SYNE1: variants seen among roughly 807,000 people sequenced by gnomAD.
SYNE1 encodes the protein spectrin repeat containing nuclear envelope protein 1.
SYNE1 carries 616 observed loss-of-function variants against 1,111.0 expected under a neutral mutation model. The observed-to-expected ratio is 0.55, with a 90% CI of 0.52 to 0.59. The LOEUF (loss-of-function observed/expected upper bound fraction) is 0.59. Among genes scored for constraint, SYNE1 ranks in the 20% least tolerant of loss-of-function variants. The probability of loss-of-function intolerance (pLI) is 0.00; values close to 1 mark genes in which losing one functional copy is unlikely to be tolerated. For synonymous variants in SYNE1, 3,855 were observed against 3,825.8 expected, an observed-to-expected ratio of 1.01 and a Z score of -0.28; for missense variants, 10,006 against 10,417.0, an observed-to-expected ratio of 0.96 and a Z score of 1.72.
intron 27 of SYNE1, 83 bp from the exon 28 acceptor site, chr6:152,449,724 T>C (rs2098631489): frequency 9.1e-7 from 1 of 1,097,624 alleles, no homozygotes; most frequent in Non-Finnish European, 1.4e-6. Context: ...AATTCACTCA[T>C]GGAAATTTAA....
At position 152,148,620 on chromosome 6, in the gene SYNE1, C is replaced by T. The variant is rs1374507128; in HGVS notation, c.24643-242G>A. On this transcript the variant is annotated intron_variant, in intron 136 of 145. Transcript: ENST00000367255. This position sits in a 1 kb window ranked among gnomAD's most constrained non-coding sequence, Gnocchi z 4.1. ...TAAGGAACTTAATTCCTCTGGGCCT[C>T]AGTTTTCTCATCTATAAAATGGGAA... Among the ~76,000 whole-genome samples the T allele has an allele frequency of 6.6e-6, 1 of 151,142 alleles. No individual in the cohort carries two copies. Among genetic ancestry groups the T allele is most frequent in the African/African-American group, 2.4e-5 (1 of 41,124 alleles).
intron 42 of SYNE1, 55 bp downstream of exon 42, chr6:152,413,297 A>G (rs1025448216): frequency 1.3e-6 from 2 of 1,579,134 alleles, no homozygotes; most frequent in Non-Finnish European, 1.7e-6. Context: ...CAATGTCCCA[A>G]TGTCACATAA....
At chr6:152,299,995 T>C (rs1428957053) in intron 93 of SYNE1, among the ~76,000 whole-genome samples, 1 of 152,220 alleles carries the variant, frequency 6.6e-6, no homozygotes, top group African/African-American at 2.4e-5. Context: ...TAAAAGCTTT[T>C]TGACATTTAA....
intron 124 of SYNE1, among the ~76,000 whole-genome samples, chr6:152,209,478 G>A (rs916405180): frequency 6.6e-5 from 10 of 152,072 alleles, no homozygotes; most frequent in Admixed American, 6.6e-5. Context: ...GGCCGGGCCC[G>A]GTGACTCACG....
At position 152,399,697 on chromosome 6, in the gene SYNE1, T is replaced by A. The variant is rs147947903; in HGVS notation, c.7156A>T (p.Ile2386Leu). The change falls in exon 48 of 146, where the codon ATA (isoleucine) becomes TTA (leucine). Residue 2386 changes from isoleucine to leucine, a missense_variant. Ile to Leu is a conservative substitution (Grantham distance 5, BLOSUM62 2). Coordinates refer to ENST00000367255, the MANE Select transcript of SYNE1 (RefSeq NM_182961.4). The part of the protein sequence containing the change: ...ESLGRAMTGL[I>L]KKHEAVSQLC... ...TGGCTCACGGCTTCATGTTTCTTTA[T>A]CAGACCAGTCATTGCACGGCCCAGG... The A allele has an allele frequency of 6.2e-7, 1 of 1,614,172 alleles. No homozygotes were observed. The highest frequency in any genetic ancestry group is 8.5e-7 in the Non-Finnish European group (1 of 1,180,020).
intron 9 of SYNE1, 72 bp from the exon 10 acceptor site, chr6:152,502,814 T>A (rs1200306464): frequency 8.6e-7 from 1 of 1,163,362 alleles, no homozygotes; most frequent in Admixed American, 1.8e-5. Context: ...AAGTTTGGTA[T>A]CTAGCTATCA....
At chr6:152,214,768 A>G (rs1487312017) in intron 122 of SYNE1, 138 bp downstream of exon 122, 5 of 1,186,388 alleles carry the variant, frequency 4.2e-6, no homozygotes, top group Non-Finnish European at 6.1e-6. Context: ...TTGACTGCGG[A>G]CTTCCCAGTC....
chr6:152,191,699 CT>C (rs746842832), intron 127 of SYNE1, among the ~76,000 whole-genome samples: 3 of 151,944 alleles, frequency 2.0e-5, no homozygotes, highest in Non-Finnish European at 2.9e-5. Flanking sequence ...AAAAAATAAA[CT>C]TTTCATTTTG....
At chr6:152,377,635 AAAAAAATATATATATATATAT>A (rs2097314033) in intron 56 of SYNE1, among the ~76,000 whole-genome samples, 2 of 79,014 alleles carry the variant, frequency 2.5e-5, no homozygotes, top group Non-Finnish European at 4.6e-5. Flanking sequence ...AAAAAAAAAA[AAAAAAATATATATATATATAT>A]ATATATATAT....
chr6:152,533,397 T>G (rs919671053), intron 4 of SYNE1, among the ~76,000 whole-genome samples: 6 of 152,136 alleles, frequency 3.9e-5, no homozygotes, highest in African/African-American at 1.4e-4. Flanking sequence ...AATTTTCAGA[T>G]GTAATAAAGT....
chr6:152,572,826 T>C (rs1339084124), intron 3 of SYNE1, among the ~76,000 whole-genome samples: 1 of 152,132 alleles, frequency 6.6e-6, no homozygotes, highest in African/African-American at 2.4e-5. Flanking sequence ...ATGATGTGTG[T>C]TGATGTTTTC....
chr6:152,339,172 C>T, intron 75 of SYNE1, 69 bp downstream of exon 75: 2 of 1,590,524 alleles, frequency 1.3e-6, no homozygotes, highest in Admixed American at 3.4e-5. Flanking sequence ...CTTTCAATCT[C>T]ACATGAAACA....
At position 152,236,946 on chromosome 6, in the gene SYNE1, C is replaced by G. The variant is rs141263831; in HGVS notation, c.20070G>C (p.Thr6690=). Residue 6690 remains threonine (T), a splice_region_variant and synonymous_variant, in exon 109 of 146, where the codon ACG becomes ACC. Coordinates refer to ENST00000367255, the MANE Select transcript of SYNE1 (RefSeq NM_182961.4). ...RGVELEYILE[T]WSHLDEDQQE... ...GCTGGTCCTCATCCAGATGGGACCACGTCTAGAAACACAACATGAGTCTGT... is the reference window on the plus strand; with the variant it reads ...GCTGGTCCTCATCCAGATGGGACCAGGTCTAGAAACACAACATGAGTCTGT... 1.7e-4 allele frequency: 281 copies of G among 1,613,660 alleles called. 1 individual carries two copies. The highest frequency in any genetic ancestry group is 2.2e-4 in the Non-Finnish European group (262 of 1,179,962).
chr6:152,317,080 AG>A, intron 86 of SYNE1, 94 bp from the exon 87 acceptor site: 1 of 1,423,760 alleles, frequency 7.0e-7, no homozygotes, highest in East Asian at 2.3e-5. Flanking sequence ...CAACAGTCTT[AG>A]GGGTTGATCA....
intron 14 of SYNE1, among the ~76,000 whole-genome samples, chr6:152,479,476 A>G (rs2098866237): frequency 6.6e-6 from 1 of 152,196 alleles, no homozygotes. Context: ...TATGATAAGC[A>G]ATAGCTTTGT....
chr6:152,582,121 C>T (rs137907157), intron 3 of SYNE1, among the ~76,000 whole-genome samples: 1,807 of 152,174 alleles, frequency 0.012, 33 homozygotes, highest in Admixed American at 0.058. Flanking sequence ...CCACCCCCTA[C>T]TTCCCAAACA....
chr6:152,621,188 G>A (rs1180819818), intron 3 of SYNE1, among the ~76,000 whole-genome samples: 2 of 152,156 alleles, frequency 1.3e-5, no homozygotes, highest in Non-Finnish European at 1.5e-5. Context: ...GGCTGACATA[G>A]GTGGATATAT....
chr6:152,515,199 G>T (rs2099105518), intron 6 of SYNE1, among the ~76,000 whole-genome samples: 1 of 150,494 alleles, frequency 6.6e-6, no homozygotes, highest in African/African-American at 2.5e-5. Context: ...TCCAGCCTGG[G>T]TGACAAAGCA....
intron 3 of SYNE1, among the ~76,000 whole-genome samples, chr6:152,604,912 C>T (rs1190705457): frequency 6.9e-6 from 1 of 144,942 alleles, no homozygotes; most frequent in East Asian, 2.0e-4. Flanking sequence ...AGAGATCATG[C>T]CACTGCACTC....
Sources: gnomAD v4.1 joint callset for allele counts (sites outside exome capture counted in the v4.1 genomes callset) on GRCh38, gnomAD v4.1.1 for gene constraint, Gnocchi (gnomAD v3.1) non-coding constraint, MANE v1.5 for transcripts, NCBI Gene and HGNC (gene_info 2026-07-23, HGNC 2026-07-21) for gene names.